The following CDH13 variants were observed in gnomAD, a reference collection of about 807,000 sequenced individuals.
CDH13 encodes cadherin 13.
In CDH13, 24 loss-of-function variants were observed where a neutral mutation model predicts 63.8. The observed-to-expected ratio is 0.38, with a 90% confidence interval of 0.27 to 0.53. The LOEUF is 0.53. Among genes scored for constraint, CDH13 ranks in the 20% least tolerant of loss-of-function variants. CDH13 has a pLI of 0.85. For synonymous variants in CDH13, 503 were observed against 355.3 expected (o/e 1.42, Z -4.67); for missense variants, 1,049 against 903.1 (o/e 1.16, Z -2.07).
At chr16:83,164,623 G>C (rs1472854619) in intron 4 of CDH13, among the ~76,000 whole-genome samples, 1 of 151,610 alleles carries the variant, frequency 6.6e-6, no homozygotes, top group Non-Finnish European at 1.5e-5. Context: ...AGGAGGCTGA[G>C]GCAAGAGAAT....
chr16:82,766,129 C>G (rs771706488), intron 1 of CDH13, among the ~76,000 whole-genome samples: 4 of 152,140 alleles, frequency 2.6e-5, no homozygotes, highest in Non-Finnish European at 5.9e-5. Context: ...TTCCAGAAGC[C>G]CAACATGAAA....
At chr16:82,948,464 A>G (rs1904966868) in intron 2 of CDH13, among the ~76,000 whole-genome samples, 1 of 152,180 alleles carries the variant, frequency 6.6e-6, no homozygotes, top group Non-Finnish European at 1.5e-5. Context: ...CAGTCCCAAA[A>G]AATACATTTG....
chr16:83,175,227 A>T (rs1269373245), intron 4 of CDH13, among the ~76,000 whole-genome samples: 1 of 152,156 alleles, frequency 6.6e-6, no homozygotes, highest in Non-Finnish European at 1.5e-5. Context: ...ATTGGCATGG[A>T]TACCATTCTA....
chr16:82,839,069 G>T (rs756327834), intron 1 of CDH13, among the ~76,000 whole-genome samples: 5 of 152,348 alleles, frequency 3.3e-5, no homozygotes, highest in Middle Eastern at 3.4e-3. Flanking sequence ...TACAAAAACT[G>T]ACAATAGGCT....
intron 2 of CDH13, among the ~76,000 whole-genome samples, chr16:82,962,296 G>C (rs1375110973): frequency 6.6e-6 from 1 of 152,220 alleles, no homozygotes; most frequent in Admixed American, 6.5e-5. Flanking sequence ...AGGATTCCCA[G>C]AGCCACCAGG....
At chr16:82,635,395 C>T (rs1367609976) in intron 1 of CDH13, among the ~76,000 whole-genome samples, 1 of 152,130 alleles carries the variant, frequency 6.6e-6, no homozygotes, top group African/African-American at 2.4e-5. Context: ...GAAGAAGGCA[C>T]AGTCTGGGTG....
chr16:82,664,917 AT>A (rs1329912693), intron 1 of CDH13, among the ~76,000 whole-genome samples: 2 of 152,116 alleles, frequency 1.3e-5, no homozygotes, highest in Admixed American at 6.5e-5. Flanking sequence ...ATGCATATAT[AT>A]GTGTGTGTGT....
intron 2 of CDH13, among the ~76,000 whole-genome samples, chr16:82,880,731 T>A (rs372296753): frequency 6.6e-6 from 1 of 152,204 alleles, no homozygotes; most frequent in South Asian, 2.1e-4. Flanking sequence ...TATGCTGGTA[T>A]ATTTCATAAG....
intron 1 of CDH13, among the ~76,000 whole-genome samples, chr16:82,704,871 G>A (rs995181863): frequency 4.6e-5 from 7 of 152,138 alleles, no homozygotes; most frequent in African/African-American, 7.2e-5. Flanking sequence ...CATGCTTAGC[G>A]TGAGCCATAA....
chr16:83,341,894 A>G (rs370148074), intron 5 of CDH13, among the ~76,000 whole-genome samples: 2 of 151,468 alleles, frequency 1.3e-5, no homozygotes, highest in Non-Finnish European at 1.5e-5. Flanking sequence ...TTGTATGGCT[A>G]TCTCTTTCCA....
rs113554799 is a variant in CDH13, at chr16:82,993,411, GA to G, written c.158-38591del. On this transcript the variant is annotated intron_variant, in intron 2 of 13. Transcript: ENST00000567109. ...GTTACCACTGGCTTTTGACTCAGTTGAAAAAAAACAAAGAATGGTCCAGGGT... is the reference window on the plus strand; with the variant it reads ...GTTACCACTGGCTTTTGACTCAGTTGAAAAAAACAAAGAATGGTCCAGGGT... Among the ~76,000 whole-genome samples the G allele has an allele frequency of 7.5e-3, 1,139 of 151,830 alleles. 7 individuals carry two copies. Among genetic ancestry groups the G allele is most frequent in the African/African-American group, 0.026 (1,069 of 41,376 alleles).
intron 1 of CDH13, among the ~76,000 whole-genome samples, chr16:82,799,344 C>T (rs4598906): frequency 0.29 from 44,214 of 152,092 alleles, 7,684 homozygotes; most frequent in South Asian, 0.43. Context: ...GGCACCCAAT[C>T]CCCACTTGGA....
chr16:83,082,685 A>T (rs1280607843), intron 3 of CDH13, among the ~76,000 whole-genome samples: 1 of 152,096 alleles, frequency 6.6e-6, no homozygotes, highest in African/African-American at 2.4e-5. Context: ...AGATCTCACT[A>T]AACTGGAGCA....
At chr16:83,385,928 T>C (rs2091664561) in intron 6 of CDH13, among the ~76,000 whole-genome samples, 1 of 152,204 alleles carries the variant, frequency 6.6e-6, no homozygotes, top group African/African-American at 2.4e-5. Context: ...GTTATCACAA[T>C]GTAGTTTATC....
intron 6 of CDH13, among the ~76,000 whole-genome samples, chr16:83,437,009 T>G (rs1488244575): frequency 6.6e-6 from 1 of 152,172 alleles, no homozygotes; most frequent in East Asian, 1.9e-4. Flanking sequence ...TGAGAACAAA[T>G]TAAATCAAAG....
intron 8 of CDH13, among the ~76,000 whole-genome samples, chr16:83,663,399 T>C (rs2150841385): frequency 6.6e-6 from 1 of 152,336 alleles, no homozygotes; most frequent in Middle Eastern, 3.4e-3. Flanking sequence ...AATTATATAA[T>C]CTCTGTCATT....
chr16:82,912,444 C>T (rs1326122391), intron 2 of CDH13, among the ~76,000 whole-genome samples: 1 of 152,194 alleles, frequency 6.6e-6, no homozygotes, highest in Non-Finnish European at 1.5e-5. Context: ...AACAGGCCGG[C>T]CCTTCCCCCA....
chr16:83,429,135 G>C (rs1478911390), intron 6 of CDH13, among the ~76,000 whole-genome samples: 1 of 152,188 alleles, frequency 6.6e-6, no homozygotes, highest in African/African-American at 2.4e-5. Context: ...TTGCAGTCTG[G>C]GGTCAGCTAT....
chr16:83,236,258 C>CACACACAG (rs2040140562), intron 5 of CDH13, among the ~76,000 whole-genome samples: 1 of 151,824 alleles, frequency 6.6e-6, no homozygotes, highest in African/African-American at 2.4e-5. Context: ...CACACACACA[C>CACACACAG]ACACATAGGT....
Sources: allele counts gnomAD v4.1 joint callset (sites outside exome capture counted in the v4.1 genomes callset), GRCh38; gene constraint gnomAD v4.1.1; transcripts MANE v1.5; gene names NCBI Gene and HGNC (gene_info 2026-07-23, HGNC 2026-07-21).